FAAP100: variants seen among roughly 807,000 people sequenced by gnomAD.
The protein encoded by FAAP100 is Fanconi anemia core complex-associated protein 100.
FAAP100 carries 46 observed loss-of-function variants against 65.8 expected under a neutral mutation model. The ratio of observed to expected loss-of-function variants is 0.70; its 90% CI spans 0.55 to 0.89. The LOEUF is 0.89. FAAP100 is among the 40% of genes least tolerant of loss of function. The probability of loss-of-function intolerance (pLI) is 0.00; values close to 1 mark genes in which losing one functional copy is unlikely to be tolerated. For missense variants in FAAP100, 1,165 were observed against 1,196.7 expected, an observed-to-expected ratio of 0.97 and a Z score of 0.39; for synonymous variants, 663 against 555.1, an observed-to-expected ratio of 1.19 and a Z score of -2.73.
intron 7 of FAAP100, among the ~76,000 whole-genome samples, chr17:81,543,389 T>C (rs1375016271): frequency 1.3e-5 from 2 of 152,184 alleles, no homozygotes; most frequent in Non-Finnish European, 1.5e-5. Flanking sequence ...AAAGCTGCGC[T>C]ACAGTCCTAG....
rs748868138 is a variant in FAAP100 at position 81,551,137 on chromosome 17, G to A, written c.357C>T (p.Asp119=). 10 of 1,549,938 alleles carry A rather than the reference G, an allele frequency of 6.5e-6. No homozygotes were observed. The highest frequency in any genetic ancestry group is 1.4e-5 in the African/African-American group (1 of 73,078). The stretch of plus-strand genomic sequence containing the variant: ...CATCGGGAAGGATGCAGGCATCGGG[G>A]TCCACAGGGATCACGGGGGAAGGCT... ...GDQPSPVIPV[D]PDACILPDAA... Residue 119 remains aspartate (D), a synonymous_variant, in exon 3 of 9, where the codon GAC becomes GAT. Coordinates refer to ENST00000327787, the MANE Select transcript of FAAP100 (RefSeq NM_025161.6).
In FAAP100 at chr17:81,545,279, G is replaced by A. The variant is rs559909043; in HGVS notation, c.2310+467C>T. ...TACCCTGCAAGCGCCTTTGCTGGTGGGACTTGAGAGTGTGCTGGAGGCACC... is the reference window on the plus strand; with the variant it reads ...TACCCTGCAAGCGCCTTTGCTGGTGAGACTTGAGAGTGTGCTGGAGGCACC... On this transcript the variant is annotated intron_variant, in intron 6 of 8. Transcript: ENST00000327787. Among the ~76,000 whole-genome samples the A allele has an allele frequency of 1.1e-4, 16 of 152,370 alleles. No individual in the cohort carries two copies. The South Asian group carries it at 3.3e-3, about 32-fold the overall frequency.
In FAAP100 at chr17:81,540,834, G is replaced by A. The variant is rs759715784; in HGVS notation, c.2631C>T (p.Ser877=). The A allele has an allele frequency of 1.9e-5, 29 of 1,536,166 alleles. 1 individual carries two copies. In the South Asian group the frequency reaches 2.9e-4, roughly 15 times the overall value. The change falls in exon 9 of 9, where the codon AGC becomes AGT. Residue 877 remains serine, a synonymous_variant. Coordinates refer to ENST00000327787, the MANE Select transcript of FAAP100 (RefSeq NM_025161.6). ...LQVYRQLRHP[S]LILL ...GCCCGCCTGGTCACAGCAGGATGAGGCTGGGGTGGCGCAGCTGCCGGTACA... is the reference window on the plus strand; with the variant it reads ...GCCCGCCTGGTCACAGCAGGATGAGACTGGGGTGGCGCAGCTGCCGGTACA...
At chr17:81,547,883 C>T (rs1049508138) in intron 4 of FAAP100, 8 of 732,148 alleles carry the variant, frequency 1.1e-5, no homozygotes, top group Middle Eastern at 2.3e-4. Flanking sequence ...AAGCTGCCTC[C>T]AGCCATCTGA....
chr17:81,546,904 C>T lies in FAAP100; in HGVS notation c.2173+5G>A. The T allele has an allele frequency of 7.2e-7, 1 of 1,386,012 alleles. No homozygotes were observed. The highest frequency in any genetic ancestry group is 9.4e-7 in the Non-Finnish European group (1 of 1,063,526). 85.9% of individuals were successfully genotyped at this position (1,386,012 alleles called of 1,614,324 possible). A position where few individuals can be genotyped will look rare whatever the true frequency, so the allele number is the denominator to read the frequency against. ...GGCTGAGCAAAGCCAAGCAGTGCCA[C>T]CAACCTGAGTGGCCGTCCTTCAAGG... is the stretch of plus-strand genomic sequence containing the variant. On this transcript the variant is annotated splice_donor_5th_base_variant and intron_variant, in intron 5 of 8. Coordinates refer to ENST00000327787, the MANE Select transcript of FAAP100 (RefSeq NM_025161.6).
rs1226421488 is a variant in FAAP100 at position 81,550,667 on chromosome 17, T to C, written c.827A>G (p.His276Arg). 2.5e-6 allele frequency: 4 copies of C among 1,613,012 alleles called. No homozygotes were observed. In the African/African-American group the frequency reaches 5.3e-5, roughly 21 times the overall value. Residue 276 changes from histidine (H) to arginine (R), a missense_variant, in exon 3 of 9, where the codon CAT (histidine) becomes CGT (arginine). By Grantham distance (29) the His-to-Arg change is conservative. Transcript: ENST00000327787. Reference protein sequence around the residue: ...GDPNALVKILHHLEEPVIFIG... With the variant: ...GDPNALVKILRHLEEPVIFIG... ...GAAGATGACGGGCTCCTCCAGGTGA[T>C]GGAGGATCTTGACAAGGGCATTTGG...
At position 81,547,790 on chromosome 17, in the gene FAAP100, G is replaced by A. The variant is rs538366065; in HGVS notation, c.1404-112C>T. On this transcript the variant is annotated intron_variant, in intron 4 of 8. Transcript: ENST00000327787. ...AGCCTGGCTCCACGACAAGCACACGGTGGGTGTGGAGCCACGCCAGAGAGT... is the reference window on the plus strand; with the variant it reads ...AGCCTGGCTCCACGACAAGCACACGATGGGTGTGGAGCCACGCCAGAGAGT... 6.1e-5 allele frequency: 82 copies of A among 1,340,830 alleles called. No homozygotes were observed. In the East Asian group the frequency reaches 1.6e-3, roughly 27 times the overall value. The allele number at this position is 1,340,830 out of a possible 1,614,324, so 83.1% of individuals were successfully genotyped here.
chr17:81,543,969 A>C, intron 7 of FAAP100, 35 bp downstream of exon 7: 5 of 1,576,756 alleles, frequency 3.2e-6, no homozygotes, highest in Non-Finnish European at 4.3e-6. Flanking sequence ...AGCGACCCAC[A>C]GATCCTGGCC....
intron 4 of FAAP100, among the ~76,000 whole-genome samples, chr17:81,548,908 C>G (rs1212858277): frequency 2.0e-5 from 3 of 151,872 alleles, no homozygotes; most frequent in Non-Finnish European, 1.5e-5. Flanking sequence ...GGCGTGGTGG[C>G]GGGCGCCTGT....
At chr17:81,541,482 GCTGCCTGGTGCTGCCTCC>G in intron 7 of FAAP100, 87 bp from the exon 8 acceptor site, 1 of 1,091,452 alleles carries the variant, frequency 9.2e-7, no homozygotes, top group Admixed American at 1.9e-5. Flanking sequence ...TCTCCCTCGA[GCTGCCTGGTGCTGCCTCC>G]CTGCCTGGCA....
At position 81,540,698 on chromosome 17, in the gene FAAP100, G is replaced by A; in HGVS notation, c.*121C>T. ...TGAGCGTTCTGCTCCTACGTGGCCA[G>A]GTCCTACCTTCCCTGACGGCTCTGG... On this transcript the variant is annotated 3_prime_UTR_variant, in exon 9 of 9. Transcript: ENST00000327787. The A allele has an allele frequency of 3.8e-6, 5 of 1,305,520 alleles. No homozygotes were observed. The highest frequency in any genetic ancestry group is 1.7e-5 in the South Asian group (1 of 59,424). The allele number at this position is 1,305,520 out of a possible 1,614,324, so 80.9% of individuals were successfully genotyped here.
In FAAP100 at chr17:81,540,444, T is replaced by C. The variant is rs116189583; in HGVS notation, c.*375A>G. On this transcript the variant is annotated 3_prime_UTR_variant, in exon 9 of 9. Transcript: ENST00000327787. ...CCAAACCCCAGAAATCCTGTTTCTC[T>C]GGCCCTCCGGGTCCAGAATGCCCTG... 3,268 of 405,126 alleles carry C rather than the reference T, an allele frequency of 8.1e-3. 97 individuals carry two copies. The highest frequency in any genetic ancestry group is 0.06 in the African/African-American group (2,954 of 48,888). 25.1% of individuals were successfully genotyped at this position (405,126 alleles called of 1,614,324 possible). A position where few individuals can be genotyped will look rare whatever the true frequency, so the allele number is the denominator to read the frequency against.
At chr17:81,541,147 G>C (rs1005904360) in intron 8 of FAAP100, among the ~76,000 whole-genome samples, 162 bp downstream of exon 8, 3 of 152,202 alleles carry the variant, frequency 2.0e-5, no homozygotes, top group African/African-American at 7.2e-5. Context: ...AGGATGAGGG[G>C]CAGGAAGAGC....
rs778418896 is a variant in FAAP100 at position 81,550,838 on chromosome 17, G to A, written c.656C>T (p.Thr219Met). Residue 219 changes from threonine (T) to methionine (M), a missense_variant, in exon 3 of 9, where the codon ACG becomes ATG. Coordinates refer to ENST00000327787, the MANE Select transcript of FAAP100 (RefSeq NM_025161.6). ...GAGCCCGAAGAGGGCGTCCTCCAGC[G>A]TGAAGCCCCCGGAGCCCCCGAGGAG... ...HDLLGGSGGF[T>M]LEDALFGLLF... The A allele has an allele frequency of 1.5e-5, 24 of 1,612,004 alleles. 1 individual carries two copies. The highest frequency in any genetic ancestry group is 6.6e-5 in the South Asian group (6 of 90,992).
chr17:81,547,403 C>G lies in FAAP100; in HGVS notation c.1679G>C (p.Cys560Ser), dbSNP rs147474907. The G allele has an allele frequency of 6.2e-7, 1 of 1,612,846 alleles. No homozygotes were observed. The change falls in exon 5 of 9, where the codon TGC becomes TCC. Residue 560 changes from cysteine (C) to serine (S), a missense_variant. Transcript: ENST00000327787. ...GGGGATGGTGTAGGTGATGGCGGAG[C>G]AGGCCGAGTCCAGGTCGAGAGCACA... Reference protein sequence around the residue: ...SSCALDLDSACSAITYTIPVD... With the variant: ...SSCALDLDSASSAITYTIPVD...
chr17:81,551,282 G>A (rs1450260441), intron 2 of FAAP100, 79 bp from the exon 3 acceptor site: 3 of 1,387,354 alleles, frequency 2.2e-6, no homozygotes, highest in African/African-American at 2.9e-5. Context: ...CTGGCATGGA[G>A]TAGTCTGGCT....
At chr17:81,552,376 G>C, upstream of FAAP100, 1 of 1,308,684 alleles carries the variant, frequency 7.6e-7, no homozygotes, top group Non-Finnish European at 9.6e-7. Flanking sequence ...CCGCGCGGCG[G>C]CGGCTCCGCC....
chr17:81,547,756 T>G, intron 4 of FAAP100, 78 bp from the exon 5 acceptor site: 2 of 1,520,114 alleles, frequency 1.3e-6, no homozygotes, highest in Non-Finnish European at 1.8e-6. Context: ...TCAGGCCTGG[T>G]AGGCACCGAG....
intron 5 of FAAP100, 43 bp from the exon 6 acceptor site, chr17:81,545,925 A>T (rs570232042): frequency 6.3e-7 from 1 of 1,578,366 alleles, no homozygotes; most frequent in African/African-American, 1.3e-5. Context: ...TGATCCTACC[A>T]GGTGGGCTCA....
Sources: gnomAD v4.1 joint callset for allele counts (sites outside exome capture counted in the v4.1 genomes callset) on GRCh38, gnomAD v4.1.1 for gene constraint, MANE v1.5 for transcripts, NCBI Gene and HGNC (gene_info 2026-07-23, HGNC 2026-07-21) for gene names.